UNC79: variants seen among roughly 807,000 people sequenced by gnomAD.
The protein encoded by UNC79 is protein unc-79 homolog.
In UNC79, 37 loss-of-function variants were observed where a neutral mutation model predicts 283.1. That is an observed-to-expected ratio of 0.13 (90% CI 0.10 to 0.17). UNC79 has a LOEUF of 0.17. Among genes scored for constraint, UNC79 ranks in the 10% least tolerant of loss-of-function variants. UNC79 has a pLI of 1.00. For synonymous variants in UNC79, 1,107 were observed against 1,200.2 expected (o/e 0.92, Z 1.61); for missense variants, 2,272 against 3,211.1 (o/e 0.71, Z 7.07).
At chr14:93,580,915 C>A (rs2063758697) in intron 19 of UNC79, among the ~76,000 whole-genome samples, 1 of 151,790 alleles carries the variant, frequency 6.6e-6, no homozygotes, top group African/African-American at 2.4e-5. Context: ...TGCCATGTTG[C>A]CCAGGCTGGT....
intron 26 of UNC79, among the ~76,000 whole-genome samples, chr14:93,607,694 C>T (rs968774592): frequency 2.0e-5 from 3 of 152,154 alleles, no homozygotes; most frequent in Non-Finnish European, 2.9e-5. Context: ...GTGGGACTCG[C>T]GTACTCCAAG....
At chr14:93,487,558 G>A (rs61992611) in intron 4 of UNC79, 105 bp from the exon 5 acceptor site, 440,737 of 802,434 alleles carry the variant, frequency 0.55, 122,345 homozygotes, top group Admixed American at 0.65. Flanking sequence ...CTTTATTGGA[G>A]CTATTTTTTT....
chr14:93,622,400 G>A (rs747693521), exon 30 of UNC79: 2 of 1,614,008 alleles, frequency 1.2e-6, no homozygotes, highest in African/African-American at 1.3e-5. Flanking sequence ...CCCTATGGAC[G>A]CCGAAGGATC....
intron 27 of UNC79, 106 bp downstream of exon 28, chr14:93,613,189 A>G: frequency 1.4e-6 from 2 of 1,453,072 alleles, no homozygotes; most frequent in Non-Finnish European, 1.9e-6. Flanking sequence ...GGTTTGTACA[A>G]ATTGCTTGGT....
intron 1 of UNC79, among the ~76,000 whole-genome samples, chr14:93,392,164 A>G (rs2054896654): frequency 6.6e-6 from 1 of 152,240 alleles, no homozygotes; most frequent in Non-Finnish European, 1.5e-5. Flanking sequence ...GTAATTTCAA[A>G]TTGAACTAAC....
chr14:93,567,063 C>A (rs192514911), intron 14 of UNC79, among the ~76,000 whole-genome samples: 2 of 152,152 alleles, frequency 1.3e-5, no homozygotes, highest in Non-Finnish European at 2.9e-5. Context: ...CTCTGTACAT[C>A]GTGATCTGTA....
At chr14:93,644,723 A>T (rs1177370124) in intron 34 of UNC79, among the ~76,000 whole-genome samples, 1 of 152,228 alleles carries the variant, frequency 6.6e-6, no homozygotes, top group Non-Finnish European at 1.5e-5. Context: ...CTAAAATTTA[A>T]TCCTTTTTTA....
chr14:93,375,019 T>G (rs1339983075), intron 1 of UNC79, among the ~76,000 whole-genome samples: 2 of 152,204 alleles, frequency 1.3e-5, no homozygotes, highest in Non-Finnish European at 2.9e-5. Context: ...AGGGGTGGAA[T>G]GCTATGACTT....
intron 1 of UNC79, among the ~76,000 whole-genome samples, chr14:93,346,287 C>T (rs1324195266): frequency 6.6e-6 from 1 of 152,168 alleles, no homozygotes; most frequent in East Asian, 1.9e-4. Flanking sequence ...TGTGAAGACA[C>T]AGGATCATTG....
At chr14:93,635,398 A>G (rs2068424185) in intron 31 of UNC79, among the ~76,000 whole-genome samples, 1 of 152,180 alleles carries the variant, frequency 6.6e-6, no homozygotes, top group Admixed American at 6.5e-5. Context: ...TGCATGCACC[A>G]CTAAAATGTA....
intron 14 of UNC79, among the ~76,000 whole-genome samples, chr14:93,554,081 T>G (rs1396210004): frequency 6.6e-6 from 1 of 152,176 alleles, no homozygotes; most frequent in Non-Finnish European, 1.5e-5. Context: ...CTGGGCATGG[T>G]GGGTTATGCC....
chr14:93,675,425 T>G (rs184689096), intron 41 of UNC79, among the ~76,000 whole-genome samples: 2 of 152,088 alleles, frequency 1.3e-5, no homozygotes, highest in African/African-American at 4.8e-5. Context: ...TTCCAGGAGT[T>G]TACAATTTAG....
At chr14:93,582,444 C>A in intron 20 of UNC79, 100 bp downstream of exon 20, 1 of 1,511,224 alleles carries the variant, frequency 6.6e-7, no homozygotes. Context: ...CAAATTCAGA[C>A]GTGGTTTCCT....
At chr14:93,593,626 T>C in intron 22 of UNC79, 54 bp from the exon 23 acceptor site, 1 of 1,563,078 alleles carries the variant, frequency 6.4e-7, no homozygotes, top group East Asian at 2.3e-5. Context: ...ACAGGATCTT[T>C]TTCTGGAAAA....
chr14:93,661,638 G>T (rs988164724), intron 39 of UNC79, among the ~76,000 whole-genome samples: 5 of 152,198 alleles, frequency 3.3e-5, no homozygotes, highest in Non-Finnish European at 7.3e-5. Flanking sequence ...AACTGCCTAA[G>T]CTGCAGAGCA....
In UNC79 at chr14:93,617,384, T is replaced by A; in HGVS notation, c.4224+80T>A. On this transcript the variant is annotated intron_variant, in intron 28 of 48. Coordinates refer to ENST00000555664, the Ensembl canonical transcript of UNC79. The surrounding 1 kb of genome is among the most constrained non-coding windows in gnomAD (Gnocchi z 4.5). ...TAGCATTAGGAGAACACCTGAGTCT[T>A]TAGTTGAAAATTTTGTAGAAGTTTG... 5 of 1,437,414 alleles carry A rather than the reference T, an allele frequency of 3.5e-6. No homozygotes were observed. The highest frequency in any genetic ancestry group is 4.7e-6 in the Non-Finnish European group (5 of 1,075,126). The allele number at this position is 1,437,414 out of a possible 1,614,324, so 89.0% of individuals were successfully genotyped here. A position where few individuals can be genotyped will look rare whatever the true frequency, so the allele number is the denominator to read the frequency against.
rs561289439 is a variant in UNC79, at chr14:93,500,881, A to T, written c.898+3595A>T. The stretch of plus-strand genomic sequence containing the variant: ...ACTGCAAGACATACCAAAGAGTATC[A>T]TCAGTATTGAAATGGCACTATAACC... On this transcript the variant is annotated intron_variant, in intron 7 of 48. Transcript: ENST00000555664. Among the ~76,000 whole-genome samples the T allele has an allele frequency of 6.6e-5, 10 of 152,380 alleles. No individual in the cohort carries two copies. In the East Asian group the frequency reaches 1.9e-3, roughly 29 times the overall value.
chr14:93,360,438 G>A (rs993595426), intron 1 of UNC79, among the ~76,000 whole-genome samples: 3 of 152,186 alleles, frequency 2.0e-5, no homozygotes, highest in Non-Finnish European at 4.4e-5. Context: ...ATTATCGTAA[G>A]TTTAACCAAG....
intron 34 of UNC79, among the ~76,000 whole-genome samples, chr14:93,645,527 T>G (rs1021920405): frequency 2.6e-5 from 4 of 152,170 alleles, no homozygotes; most frequent in African/African-American, 9.7e-5. Context: ...GAAGAACAGA[T>G]GAGATCATGT....
Sources: gnomAD v4.1 joint callset for allele counts (sites outside exome capture counted in the v4.1 genomes callset) on GRCh38, gnomAD v4.1.1 for gene constraint, Gnocchi (gnomAD v3.1) non-coding constraint, MANE v1.5 for transcripts, NCBI Gene and HGNC (gene_info 2026-07-23, HGNC 2026-07-21) for gene names.